Variants in CNOT6 observed in about 807,000 individuals in gnomAD.
CNOT6 encodes carbon catabolite repression 4 protein.
CNOT6 carries 12 observed loss-of-function variants against 61.2 expected under a neutral mutation model. The ratio of observed to expected loss-of-function variants is 0.20; its 90% CI spans 0.13 to 0.32. The LOEUF is 0.32. Ranked by LOEUF, CNOT6 falls within the 10% of genes least tolerant of loss-of-function variation. CNOT6 has a pLI of 1.00. For missense variants in CNOT6, 405 were observed against 663.9 expected (o/e 0.61, Z 4.28); for synonymous variants, 225 against 240.6 (o/e 0.94, Z 0.60).
chr5:180,529,152 C>A lies in CNOT6; in HGVS notation c.-2-123C>A, dbSNP rs1033579557. On this transcript the variant is annotated intron_variant, in intron 1 of 11. Coordinates refer to ENST00000261951, the MANE Select transcript of CNOT6 (RefSeq NM_001370472.1). ...TGAAGAGGTTGGAGTGAGCCAAAAT[C>A]GTGCCACTGCACTCCAGCCTGGGTG... The A allele has an allele frequency of 9.3e-6, 6 of 643,584 alleles. No homozygotes were observed. In the African/African-American group the frequency reaches 9.4e-5, roughly 10 times the overall value. 39.9% of individuals were successfully genotyped at this position (643,584 alleles called of 1,614,324 possible).
At chr5:180,532,640 A>G (rs545799437) in intron 2 of CNOT6, among the ~76,000 whole-genome samples, 1 of 152,068 alleles carries the variant, frequency 6.6e-6, no homozygotes, top group Admixed American at 6.5e-5. Flanking sequence ...CAATTCCAAC[A>G]CTGTCTTCCT....
In CNOT6 at chr5:180,513,789, G is replaced by A. The variant is rs1394239167; in HGVS notation, c.-2-15486G>A. Among the ~76,000 whole-genome samples, 9 of 151,880 alleles carry A rather than the reference G, an allele frequency of 5.9e-5. No individual in the cohort carries two copies. The East Asian group carries it at 1.2e-3, about 20-fold the overall frequency. On this transcript the variant is annotated intron_variant, in intron 1 of 11. Transcript: ENST00000261951. Reference sequence around the variant, plus strand: ...GCGATCTCAGCTCACTGCAAGCTCCGCCTCCTGGGTTCACGCCATTCTCCT... The same window carrying A: ...GCGATCTCAGCTCACTGCAAGCTCCACCTCCTGGGTTCACGCCATTCTCCT...
chr5:180,534,171 G>C (rs543624621), intron 2 of CNOT6: 1 of 153,782 alleles, frequency 6.5e-6, no homozygotes, highest in South Asian at 2.0e-4. Flanking sequence ...AGAGAGAAAT[G>C]AGGGGAGTTT....
In CNOT6 at chr5:180,576,409, GTGCACT is replaced by G; in HGVS notation, c.*2212_*2217del. On this transcript the variant is annotated 3_prime_UTR_variant, in exon 12 of 12. Coordinates refer to ENST00000261951, the MANE Select transcript of CNOT6 (RefSeq NM_001370472.1). ...TCTTTTCATAGATGCTGGAACTAGAGTGCACTTGTTAGATGCTAAAGGTTTGAGCTT... is the reference window on the plus strand; with the variant it reads ...TCTTTTCATAGATGCTGGAACTAGAGTGTTAGATGCTAAAGGTTTGAGCTT... The G allele has an allele frequency of 6.5e-6, 1 of 152,752 alleles. No individual in the cohort carries two copies. Among genetic ancestry groups the G allele is most frequent in the East Asian group, 1.9e-4 (1 of 5,188 alleles). 9.5% of individuals were successfully genotyped at this position (152,752 alleles called of 1,614,324 possible).
At chr5:180,552,968 T>C (rs981949123) in intron 3 of CNOT6, among the ~76,000 whole-genome samples, 6 of 149,692 alleles carry the variant, frequency 4.0e-5, no homozygotes, top group African/African-American at 1.5e-4. Context: ...GTAGGCTGCT[T>C]TATCATTTCC....
intron 6 of CNOT6, among the ~76,000 whole-genome samples, chr5:180,565,026 A>G (rs1028229153): frequency 1.3e-5 from 2 of 152,234 alleles, no homozygotes; most frequent in African/African-American, 4.8e-5. Flanking sequence ...GTAACTGGGG[A>G]GAAGTGCTGC....
At chr5:180,552,234 C>G (rs1054872195) in intron 3 of CNOT6, among the ~76,000 whole-genome samples, 11 of 152,072 alleles carry the variant, frequency 7.2e-5, no homozygotes, top group Non-Finnish European at 1.2e-4. Context: ...TCAGAACTTG[C>G]TCTTCTTGTT....
chr5:180,524,178 T>A (rs1284102224), intron 1 of CNOT6, among the ~76,000 whole-genome samples: 2 of 152,164 alleles, frequency 1.3e-5, no homozygotes, highest in Non-Finnish European at 2.9e-5. Context: ...TTAAAAAAAA[T>A]TCTTTTGTAA....
Position 180,505,299 on chromosome 5 carries a change from A to T in CNOT6, c.-3+10536A>T. ...GAGACGGAGTCTGGCTCTGTCGCCC[A>T]GTCTGGACTGCAGTGGCGCGATCTC... is the stretch of plus-strand genomic sequence containing the variant. On this transcript the variant is annotated intron_variant, in intron 1 of 11. Coordinates refer to ENST00000261951, the MANE Select transcript of CNOT6 (RefSeq NM_001370472.1). Among the ~76,000 whole-genome samples, 2 of 94,212 alleles carry T rather than the reference A, an allele frequency of 2.1e-5. 1 individual carries two copies. Among genetic ancestry groups the T allele is most frequent in the Non-Finnish European group, 3.9e-5 (2 of 50,980 alleles). 61.8% of individuals were successfully genotyped at this position (94,212 alleles called of 152,430 possible).
chr5:180,515,944 G>A (rs1485347287), intron 1 of CNOT6, among the ~76,000 whole-genome samples: 1 of 152,092 alleles, frequency 6.6e-6, no homozygotes, highest in Non-Finnish European at 1.5e-5. Context: ...GTCTCACCGC[G>A]TTACCCAGGC....
At chr5:180,506,236 C>G (rs577672676) in intron 1 of CNOT6, among the ~76,000 whole-genome samples, 30 of 152,238 alleles carry the variant, frequency 2.0e-4, no homozygotes, top group Non-Finnish European at 3.2e-4. Context: ...TAGAATCTAC[C>G]TCATGGGTTG....
chr5:180,534,149 T>C (rs1758549023), intron 2 of CNOT6: 2 of 153,394 alleles, frequency 1.3e-5, no homozygotes, highest in African/African-American at 2.4e-5. Context: ...GGAAAACTTA[T>C]TTGCAGGTTA....
chr5:180,572,973 A>G (rs944513548), intron 11 of CNOT6, among the ~76,000 whole-genome samples: 1 of 152,206 alleles, frequency 6.6e-6, no homozygotes, highest in Non-Finnish European at 1.5e-5. Context: ...GTCAGAGTGT[A>G]AATAAGAGTT....
chr5:180,553,583 C>A, intron 4 of CNOT6, 112 bp downstream of exon 4: 1 of 725,992 alleles, frequency 1.4e-6, no homozygotes, highest in Non-Finnish European at 2.3e-6. Flanking sequence ...TTCCCCCAGA[C>A]TTCATCAGTT....
chr5:180,529,502 G>A (rs1758252929), intron 2 of CNOT6, 114 bp downstream of exon 2: 3 of 687,206 alleles, frequency 4.4e-6, no homozygotes, highest in African/African-American at 3.7e-5. Context: ...CAAATGTAAT[G>A]TATTTATAAA....
rs540226069 is a variant in CNOT6 at position 180,538,129 on chromosome 5, C to T, written c.112+8741C>T. Among the ~76,000 whole-genome samples, 43 of 151,020 alleles carry T rather than the reference C, an allele frequency of 2.8e-4. No homozygotes were observed. In the South Asian group the frequency reaches 4.4e-3, roughly 15 times the overall value. On this transcript the variant is annotated intron_variant, in intron 2 of 11. Coordinates refer to ENST00000261951, the MANE Select transcript of CNOT6 (RefSeq NM_001370472.1). ...TCTCCGCACATTGTAAGCTCCGCCT[C>T]CCAGGTTCAAGCCATTGTCCTGCCT...
intron 2 of CNOT6, among the ~76,000 whole-genome samples, chr5:180,529,919 C>T (rs1416402576): frequency 6.6e-6 from 1 of 152,140 alleles, no homozygotes; most frequent in Non-Finnish European, 1.5e-5. Context: ...CTCAAATTTC[C>T]CTTCCCCTTT....
intron 4 of CNOT6, 76 bp from the exon 5 acceptor site, chr5:180,564,413 T>C (rs1760348077): frequency 1.1e-6 from 1 of 950,266 alleles, no homozygotes; most frequent in Non-Finnish European, 1.7e-6. Flanking sequence ...GATGATCTGA[T>C]AATTTTGATA....
chr5:180,541,378 C>A (rs1443607129), intron 2 of CNOT6, among the ~76,000 whole-genome samples: 1 of 151,332 alleles, frequency 6.6e-6, no homozygotes, highest in African/African-American at 2.4e-5. Flanking sequence ...ACCTCGTGAT[C>A]CACCCGCCAC....
Sources: allele counts gnomAD v4.1 joint callset (sites outside exome capture counted in the v4.1 genomes callset), GRCh38; gene constraint gnomAD v4.1.1; transcripts MANE v1.5; gene names NCBI Gene and HGNC (gene_info 2026-07-23, HGNC 2026-07-21).